The following RALYL variants were observed in gnomAD, a reference collection of about 807,000 sequenced individuals.
RALYL encodes the protein RALY RNA binding protein like.
RALYL carries 29 observed loss-of-function variants against 35.1 expected under a neutral mutation model. The observed-to-expected ratio is 0.83, with a 90% confidence interval of 0.61 to 1.13. The LOEUF is 1.13. Ranked by LOEUF, RALYL falls within the 50% of genes most tolerant of loss-of-function variation. The pLI, the probability that RALYL is intolerant of heterozygous loss-of-function variation, is 0.00. For synonymous variants in RALYL, 120 were observed against 127.6 expected (o/e 0.94, Z 0.40); for missense variants, 359 against 360.4 (o/e 1.00, Z 0.03).
chr8:84,909,094 C>T (rs1177555464), intron 8 of RALYL, among the ~76,000 whole-genome samples: 1 of 152,154 alleles, frequency 6.6e-6, no homozygotes, highest in African/African-American at 2.4e-5. Flanking sequence ...GATGCCCTCA[C>T]CTGGGCTCTG....
In RALYL at chr8:84,704,533, G is replaced by A. The variant is rs566879266; in HGVS notation, c.257-70046G>A. ...TTATTAAGAGCCTACTTTGTGCCAG[G>A]CATTGATCTAACCTCTGGACATACA... is the stretch of plus-strand genomic sequence containing the variant. On this transcript the variant is annotated intron_variant, in intron 2 of 8. Transcript: ENST00000521268. Among the ~76,000 whole-genome samples the A allele has an allele frequency of 1.1e-4, 17 of 151,228 alleles. No homozygotes were observed. In the South Asian group the frequency reaches 3.6e-3, roughly 32 times the overall value.
At chr8:84,252,471 A>C (rs372114855) in intron 1 of RALYL, among the ~76,000 whole-genome samples, 1 of 152,146 alleles carries the variant, frequency 6.6e-6, no homozygotes, top group Non-Finnish European at 1.5e-5. Context: ...AATATGCCTA[A>C]TGTAAGATCA....
intron 2 of RALYL, among the ~76,000 whole-genome samples, chr8:84,696,857 A>G (rs1335433110): frequency 6.6e-6 from 1 of 152,038 alleles, no homozygotes; most frequent in Non-Finnish European, 1.5e-5. Flanking sequence ...TGAAACACAT[A>G]TAAGAGGTCA....
At chr8:84,582,881 A>ACC (rs144091684) in intron 2 of RALYL, among the ~76,000 whole-genome samples, 31,638 of 151,952 alleles carry the variant, frequency 0.21, 3,385 homozygotes, top group Non-Finnish European at 0.23. Flanking sequence ...CATCATAATG[A>ACC]CCAATGTTAA....
At chr8:84,858,877 C>T (rs1837562216) in intron 5 of RALYL, among the ~76,000 whole-genome samples, 1 of 152,132 alleles carries the variant, frequency 6.6e-6, no homozygotes, top group South Asian at 2.1e-4. Flanking sequence ...TTCTAATTGA[C>T]TCAAGAGTGC....
intron 7 of RALYL, 46 bp from the exon 8 acceptor site, chr8:84,887,558 C>T: frequency 2.0e-6 from 3 of 1,537,326 alleles, no homozygotes; most frequent in Non-Finnish European, 2.6e-6. Flanking sequence ...CCAAATGGCT[C>T]ATGAGCAACC....
At chr8:84,440,936 G>GA (rs927788699) in intron 1 of RALYL, among the ~76,000 whole-genome samples, 4 of 151,738 alleles carry the variant, frequency 2.6e-5, no homozygotes, top group Admixed American at 2.0e-4. Flanking sequence ...TAATATAAAA[G>GA]AAAAAAATCC....
chr8:84,412,269 T>A (rs1205844052), intron 1 of RALYL, among the ~76,000 whole-genome samples: 1 of 151,970 alleles, frequency 6.6e-6, no homozygotes, highest in Admixed American at 6.6e-5. Context: ...TGTTATCAAA[T>A]TTGGAAAATC....
chr8:84,892,232 C>A (rs1843975693), intron 8 of RALYL, among the ~76,000 whole-genome samples: 1 of 152,138 alleles, frequency 6.6e-6, no homozygotes, highest in Non-Finnish European at 1.5e-5. Flanking sequence ...GCAGGGATAA[C>A]TAAAGTCCTT....
chr8:84,513,459 A>G (rs1191770600), intron 1 of RALYL, among the ~76,000 whole-genome samples: 1 of 152,120 alleles, frequency 6.6e-6, no homozygotes, highest in Non-Finnish European at 1.5e-5. Flanking sequence ...ATTATTTAAG[A>G]AAAAGCCATA....
chr8:84,379,227 T>G (rs1408718093), intron 1 of RALYL, among the ~76,000 whole-genome samples: 2 of 151,948 alleles, frequency 1.3e-5, no homozygotes, highest in Non-Finnish European at 2.9e-5. Flanking sequence ...TTTAGTAATC[T>G]TCCAATGGAT....
intron 1 of RALYL, among the ~76,000 whole-genome samples, chr8:84,269,377 C>T (rs1289488307): frequency 6.6e-6 from 1 of 152,110 alleles, no homozygotes; most frequent in African/African-American, 2.4e-5. Context: ...ATGTGGGATG[C>T]AGGTCTCCTA....
At chr8:84,512,188 A>G (rs191951856) in intron 1 of RALYL, among the ~76,000 whole-genome samples, 4 of 152,236 alleles carry the variant, frequency 2.6e-5, no homozygotes, top group African/African-American at 7.2e-5. Flanking sequence ...TTTTCTACAC[A>G]TCTTCATCAG....
intron 2 of RALYL, among the ~76,000 whole-genome samples, chr8:84,749,345 G>A (rs1380186792): frequency 6.6e-6 from 1 of 151,604 alleles, no homozygotes; most frequent in Non-Finnish European, 1.5e-5. Context: ...ATAGACTTCT[G>A]GCCATATGGC....
chr8:84,248,386 G>A (rs10102752), intron 1 of RALYL, among the ~76,000 whole-genome samples: 68,385 of 151,878 alleles, frequency 0.45, 15,524 homozygotes, highest in East Asian at 0.53. Context: ...AAACAATGCC[G>A]TGTCTTTCCC....
chr8:84,839,834 G>A lies in RALYL; in HGVS notation c.366-10146G>A, dbSNP rs554374254. 5.3e-5 allele frequency among the ~76,000 whole-genome samples: 8 copies of A among 152,270 alleles called. No homozygotes were observed. In the South Asian group the frequency reaches 6.2e-4, roughly 12 times the overall value. ...CCAATATCTGCTGTTCTGCAGCCAC[G>A]ACTGCTGATGCCCAGGCAAACAGGG... On this transcript the variant is annotated intron_variant, in intron 4 of 8. Transcript: ENST00000521268.
intron 2 of RALYL, among the ~76,000 whole-genome samples, chr8:84,545,957 G>A (rs2060326418): frequency 6.6e-6 from 1 of 152,050 alleles, no homozygotes; most frequent in African/African-American, 2.4e-5. Flanking sequence ...TTTGGTATTA[G>A]TAACAGTGAT....
At chr8:84,296,010 G>T (rs1839679228) in intron 1 of RALYL, among the ~76,000 whole-genome samples, 1 of 152,088 alleles carries the variant, frequency 6.6e-6, no homozygotes, top group African/African-American at 2.4e-5. Flanking sequence ...TAATGTAGTA[G>T]CTTGGTGCAA....
intron 1 of RALYL, among the ~76,000 whole-genome samples, chr8:84,527,947 C>T (rs542248727): frequency 6.6e-6 from 1 of 152,192 alleles, no homozygotes; most frequent in South Asian, 2.1e-4. Flanking sequence ...TAATATTGAA[C>T]AACTTAATTT....
Sources: allele counts gnomAD v4.1 joint callset (sites outside exome capture counted in the v4.1 genomes callset), GRCh38; gene constraint gnomAD v4.1.1; transcripts MANE v1.5; gene names NCBI Gene and HGNC (gene_info 2026-07-23, HGNC 2026-07-21).